CNTN4: variants seen among roughly 807,000 people sequenced by gnomAD.
The protein encoded by CNTN4 is contactin-4.
CNTN4 carries 77 observed loss-of-function variants against 122.5 expected under a neutral mutation model. The ratio of observed to expected loss-of-function variants is 0.63; its 90% CI spans 0.52 to 0.76. The LOEUF (loss-of-function observed/expected upper bound fraction) is 0.76. Among genes scored for constraint, CNTN4 ranks in the 30% least tolerant of loss-of-function variants. CNTN4 has a pLI of 0.00. For synonymous variants in CNTN4, 512 were observed against 447.0 expected, an observed-to-expected ratio of 1.15 and a Z score of -1.83; for missense variants, 1,256 against 1,259.1, an observed-to-expected ratio of 1.00 and a Z score of 0.04.
intron 2 of CNTN4, among the ~76,000 whole-genome samples, chr3:2,273,582 T>A (rs751559079): frequency 1.3e-5 from 2 of 152,216 alleles, no homozygotes; most frequent in African/African-American, 2.4e-5. Flanking sequence ...ATTTTCTTGG[T>A]TGGAAGTCCA....
At chr3:2,547,387 C>T (rs1346558689) in intron 3 of CNTN4, among the ~76,000 whole-genome samples, 1 of 151,936 alleles carries the variant, frequency 6.6e-6, no homozygotes, top group South Asian at 2.1e-4. Context: ...CCACAGCCTC[C>T]CTCTAGTAGC....
chr3:2,902,113 A>G (rs970028299), intron 11 of CNTN4, among the ~76,000 whole-genome samples: 12 of 152,220 alleles, frequency 7.9e-5, no homozygotes, highest in African/African-American at 2.7e-4. Context: ...GTGTCCACTC[A>G]GCTAACTCAC....
intron 4 of CNTN4, among the ~76,000 whole-genome samples, chr3:2,641,052 A>C (rs1252639836): frequency 1.3e-5 from 2 of 152,306 alleles, no homozygotes; most frequent in East Asian, 3.9e-4. Flanking sequence ...AACTAAGACA[A>C]ATTCTGCCAG....
chr3:2,647,296 G>T (rs971179888), intron 4 of CNTN4, among the ~76,000 whole-genome samples: 3 of 152,030 alleles, frequency 2.0e-5, no homozygotes, highest in Admixed American at 2.0e-4. Flanking sequence ...CAAGAGAATC[G>T]CTTGAACCTG....
chr3:2,206,254 T>G (rs2038337860), intron 2 of CNTN4, among the ~76,000 whole-genome samples: 1 of 152,084 alleles, frequency 6.6e-6, no homozygotes, highest in Non-Finnish European at 1.5e-5. Flanking sequence ...GCTAATACTG[T>G]CAACTTATAA....
intron 2 of CNTN4, among the ~76,000 whole-genome samples, chr3:2,170,284 C>T (rs889969070): frequency 6.6e-6 from 1 of 151,950 alleles, no homozygotes; most frequent in Admixed American, 6.6e-5. Context: ...CGCGCCACCG[C>T]ACTCCAGCCT....
chr3:2,672,023 T>C (rs1468839023), intron 4 of CNTN4, among the ~76,000 whole-genome samples: 1 of 152,214 alleles, frequency 6.6e-6, no homozygotes, highest in South Asian at 2.1e-4. Flanking sequence ...AGTCTGCCCC[T>C]ACTGGGGGGT....
At chr3:2,104,768 A>G (rs1348235114) in intron 2 of CNTN4, among the ~76,000 whole-genome samples, 1 of 152,172 alleles carries the variant, frequency 6.6e-6, no homozygotes, top group Non-Finnish European at 1.5e-5. Context: ...AGGTTTGGTA[A>G]ATAACTAGCC....
chr3:2,507,341 T>C (rs368951534), intron 3 of CNTN4, among the ~76,000 whole-genome samples: 21 of 152,238 alleles, frequency 1.4e-4, no homozygotes, highest in East Asian at 7.7e-4. Flanking sequence ...TCAGGGTTTT[T>C]TTTAAACTGT....
chr3:3,033,094 T>A (rs1320096577), intron 16 of CNTN4, among the ~76,000 whole-genome samples: 1 of 152,176 alleles, frequency 6.6e-6, no homozygotes, highest in Non-Finnish European at 1.5e-5. Context: ...GGAAACACTT[T>A]TCTATTTGTG....
chr3:2,258,585 C>T (rs2040694838), intron 2 of CNTN4, among the ~76,000 whole-genome samples: 2 of 152,124 alleles, frequency 1.3e-5, no homozygotes, highest in South Asian at 4.1e-4. Context: ...TGCTAGTGTA[C>T]TGTGTTTGCT....
At chr3:2,293,654 G>A (rs1008896700) in intron 2 of CNTN4, among the ~76,000 whole-genome samples, 4 of 152,108 alleles carry the variant, frequency 2.6e-5, no homozygotes, top group South Asian at 4.1e-4. Flanking sequence ...TACTAACAGG[G>A]TGCTGTTATT....
chr3:2,691,811 A>T (rs1184251624), intron 4 of CNTN4, among the ~76,000 whole-genome samples: 1 of 152,208 alleles, frequency 6.6e-6, no homozygotes, highest in African/African-American at 2.4e-5. Flanking sequence ...ATAAACAATT[A>T]TTAGAGCTTT....
At chr3:2,293,107 T>A (rs140707635) in intron 2 of CNTN4, among the ~76,000 whole-genome samples, 150 of 137,872 alleles carry the variant, frequency 1.1e-3, no homozygotes, top group African/African-American at 3.9e-3. Context: ...TATAGTGCTA[T>A]TGCACTGTGG....
chr3:2,285,691 A>T (rs952443009), intron 2 of CNTN4, among the ~76,000 whole-genome samples: 2 of 152,086 alleles, frequency 1.3e-5, no homozygotes, highest in African/African-American at 2.4e-5. Flanking sequence ...AGTTTTCTGT[A>T]ATTCTTACAC....
At chr3:2,372,779 G>A (rs1416176133) in intron 3 of CNTN4, among the ~76,000 whole-genome samples, 1 of 149,268 alleles carries the variant, frequency 6.7e-6, no homozygotes, top group Non-Finnish European at 1.5e-5. Context: ...GGCCAGGTGT[G>A]GTGGCTCACA....
chr3:2,967,446 A>C (rs1340532702), intron 13 of CNTN4, among the ~76,000 whole-genome samples: 1 of 152,160 alleles, frequency 6.6e-6, no homozygotes, highest in East Asian at 1.9e-4. Context: ...CTAATTTGTT[A>C]GCCTACAAAT....
At chr3:2,584,097 G>A (rs1310981084) in intron 4 of CNTN4, among the ~76,000 whole-genome samples, 2 of 152,122 alleles carry the variant, frequency 1.3e-5, no homozygotes, top group Non-Finnish European at 2.9e-5. Flanking sequence ...AAATAGCCCA[G>A]TAACTGCCCT....
intron 3 of CNTN4, among the ~76,000 whole-genome samples, chr3:2,514,082 T>A (rs1176509028): frequency 6.6e-6 from 1 of 152,108 alleles, no homozygotes; most frequent in Non-Finnish European, 1.5e-5. Context: ...TTGAGCCAAG[T>A]GGAAAGAATT....
Sources: allele counts gnomAD v4.1 joint callset (sites outside exome capture counted in the v4.1 genomes callset), GRCh38; gene constraint gnomAD v4.1.1; transcripts MANE v1.5; gene names NCBI Gene and HGNC (gene_info 2026-07-23, HGNC 2026-07-21).